HAVCR2: variants seen among roughly 807,000 people sequenced by gnomAD.
The protein encoded by HAVCR2 is hepatitis A virus cellular receptor 2.
HAVCR2 carries 13 observed loss-of-function variants against 24.7 expected under a neutral mutation model. The ratio of observed to expected loss-of-function variants is 0.53; its 90% CI spans 0.34 to 0.84. The LOEUF is 0.84. Ranked by LOEUF, HAVCR2 falls within the 40% of genes least tolerant of loss-of-function variation. The pLI, the probability that HAVCR2 is intolerant of heterozygous loss-of-function variation, is 0.01. For synonymous variants in HAVCR2, 154 were observed against 143.4 expected, an observed-to-expected ratio of 1.07 and a Z score of -0.53; for missense variants, 343 against 371.2, an observed-to-expected ratio of 0.92 and a Z score of 0.62.
chr5:157,098,911 G>A lies in HAVCR2; in HGVS notation c.479-10C>T, dbSNP rs200687159. 1.1e-5 allele frequency: 5 copies of A among 459,390 alleles called. No individual in the cohort carries two copies. The highest frequency in any genetic ancestry group is 5.2e-5 in the Admixed American group (1 of 19,344). 28.5% of individuals were successfully genotyped at this position (459,390 alleles called of 1,614,324 possible). ...AGTGTCTGTGTCTCTGCTATAAAAA[G>A]AGAGAGAGAGAGAGAGAGAGGAAAA... On this transcript the variant is annotated splice_polypyrimidine_tract_variant and intron_variant, in intron 3 of 6. Transcript: ENST00000307851.
intron 6 of HAVCR2, 91 bp downstream of exon 6, chr5:157,088,850 G>T: frequency 8.9e-7 from 1 of 1,123,880 alleles, no homozygotes; most frequent in Non-Finnish European, 1.3e-6. Flanking sequence ...CAAAGCCCCA[G>T]GACAGGATTT....
At position 157,096,276 on chromosome 5, in the gene HAVCR2, G is replaced by T. The variant is rs969859189; in HGVS notation, c.523-817C>A. ...ATTCCCAGCTCTGCCACTAAGGGCT[G>T]AGTAATCCTGTAGAGTTATCAGGAA... On this transcript the variant is annotated intron_variant, in intron 4 of 6. Transcript: ENST00000307851. 2.7e-5 allele frequency among the ~76,000 whole-genome samples: 4 copies of T among 150,010 alleles called. No individual in the cohort carries two copies. In the East Asian group the frequency reaches 7.8e-4, roughly 29 times the overall value.
intron 5 of HAVCR2, among the ~76,000 whole-genome samples, chr5:157,092,875 TACCAAAAAAA>T (rs1757025827): frequency 4.3e-5 from 2 of 46,738 alleles, no homozygotes; most frequent in Admixed American, 2.6e-4. Flanking sequence ...ACCCTGTCTC[TACCAAAAAAA>T]AAAAAAAAAA....
chr5:157,085,957 T>C lies in HAVCR2; in HGVS notation c.*1145A>G, dbSNP rs1389204358. Reference sequence around the variant, plus strand: ...TGAAATTTAAGTTTAGGGACCACTCTCTGTCAAAGGATCCAGCGCTGGTAA... The same window carrying C: ...TGAAATTTAAGTTTAGGGACCACTCCCTGTCAAAGGATCCAGCGCTGGTAA... On this transcript the variant is annotated 3_prime_UTR_variant, in exon 7 of 7. Transcript: ENST00000307851. 3 of 152,238 alleles carry C rather than the reference T, an allele frequency of 2.0e-5. No individual in the cohort carries two copies. The East Asian group carries it at 5.8e-4, about 29-fold the overall frequency. 9.4% of individuals were successfully genotyped at this position (152,238 alleles called of 1,614,324 possible).
At chr5:157,092,211 A>G (rs1310215672) in intron 5 of HAVCR2, among the ~76,000 whole-genome samples, 1 of 150,898 alleles carries the variant, frequency 6.6e-6, no homozygotes, top group Non-Finnish European at 1.5e-5. Context: ...ATATAATAGT[A>G]AAGCTCAAAG....
intron 2 of HAVCR2, 173 bp from the exon 3 acceptor site, chr5:157,104,922 A>G (rs1028944974): frequency 1.3e-5 from 6 of 454,514 alleles, no homozygotes; most frequent in South Asian, 6.6e-5. Context: ...CACACTTCAA[A>G]TGTTTGACAA....
intron 4 of HAVCR2, 76 bp from the exon 5 acceptor site, chr5:157,095,535 T>C: frequency 2.0e-6 from 3 of 1,518,950 alleles, no homozygotes; most frequent in Non-Finnish European, 1.8e-6. Context: ...GATTTGTGAA[T>C]TGGACCATCC....
At chr5:157,103,448 A>G (rs911338367) in intron 3 of HAVCR2, among the ~76,000 whole-genome samples, 9 of 152,044 alleles carry the variant, frequency 5.9e-5, no homozygotes, top group African/African-American at 2.2e-4. Context: ...CCCTTCTAGC[A>G]CTATGGTTGT....
At chr5:157,107,138 G>C (rs966080140) in intron 1 of HAVCR2, 176 bp from the exon 2 acceptor site, 2 of 584,860 alleles carry the variant, frequency 3.4e-6, no homozygotes, top group Non-Finnish European at 5.9e-6. Context: ...GAATCACTGG[G>C]AAGCCTTGCG....
chr5:157,101,996 C>T (rs1213304545), intron 3 of HAVCR2, among the ~76,000 whole-genome samples: 1 of 131,512 alleles, frequency 7.6e-6, no homozygotes, highest in African/African-American at 2.9e-5. Flanking sequence ...TTCCAGGCTT[C>T]AGGACAGTGG....
chr5:157,094,722 A>G (rs1295409896), intron 5 of HAVCR2, among the ~76,000 whole-genome samples: 1 of 152,048 alleles, frequency 6.6e-6, no homozygotes, highest in Non-Finnish European at 1.5e-5. Flanking sequence ...TTAAAAAAAA[A>G]AAAGGGATAA....
At chr5:157,095,285 G>A in intron 5 of HAVCR2, 21 bp downstream of exon 5, 1 of 1,611,768 alleles carries the variant, frequency 6.2e-7, no homozygotes, top group Non-Finnish European at 8.5e-7. Flanking sequence ...ATCAGAGGGA[G>A]AGAGAAACAA....
chr5:157,109,001 AG>A lies in HAVCR2; in HGVS notation c.-19del. The A allele has an allele frequency of 6.2e-7, 1 of 1,613,698 alleles. No homozygotes were observed. Among genetic ancestry groups the A allele is most frequent in the African/African-American group, 1.3e-5 (1 of 75,044 alleles). ...GAAAACATGGAGCTTGCAGAAGAAA[AG>A]TCAGAGGACACCTCTGTTAGGCACA... On this transcript the variant is annotated 5_prime_UTR_variant, in exon 1 of 7. Coordinates refer to ENST00000307851, the MANE Select transcript of HAVCR2 (RefSeq NM_032782.5).
In HAVCR2 at chr5:157,088,247, T is replaced by C. The variant is rs559899463; in HGVS notation, c.713+694A>G. Among the ~76,000 whole-genome samples, 9 of 152,360 alleles carry C rather than the reference T, an allele frequency of 5.9e-5. No individual in the cohort carries two copies. In the East Asian group the frequency reaches 1.7e-3, roughly 29 times the overall value. On this transcript the variant is annotated intron_variant, in intron 6 of 6. Transcript: ENST00000307851. ...TGTAATCCAAATATATTGTATTCCA[T>C]TCATGTGCCAAACATCACTAAAAGT...
intron 1 of HAVCR2, among the ~76,000 whole-genome samples, chr5:157,108,110 T>C (rs995520512): frequency 9.2e-5 from 14 of 152,054 alleles, no homozygotes; most frequent in African/African-American, 2.7e-4. Context: ...CATTATATAT[T>C]TTCTTTTGAT....
intron 6 of HAVCR2, among the ~76,000 whole-genome samples, chr5:157,087,645 C>G (rs867515111): frequency 9.2e-5 from 14 of 152,012 alleles, no homozygotes; most frequent in African/African-American, 2.9e-4. Context: ...GTGGCTCACG[C>G]CTGTAATCCC....
At chr5:157,103,516 T>A (rs1195573092) in intron 3 of HAVCR2, among the ~76,000 whole-genome samples, 3 of 152,202 alleles carry the variant, frequency 2.0e-5, no homozygotes, top group African/African-American at 7.2e-5. Context: ...ACTTTATTAT[T>A]TTCTGTCCCC....
rs1561619880 is a variant in HAVCR2, at chr5:157,092,913, A to AAAAAAAAAAAAAAAAAT, written c.676+2392_676+2393insATTTTTTTTTTTTTTTT. 2.2e-4 allele frequency among the ~76,000 whole-genome samples: 27 copies of AAAAAAAAAAAAAAAAAT among 123,024 alleles called. 1 individual carries two copies. Among genetic ancestry groups the AAAAAAAAAAAAAAAAAT allele is most frequent in the African/African-American group, 7.7e-4 (25 of 32,280 alleles). 80.7% of individuals were successfully genotyped at this position (123,024 alleles called of 152,430 possible). A position where few individuals can be genotyped will look rare whatever the true frequency, so the allele number is the denominator to read the frequency against. ...AAAAAAAAAAAAAAAAAAAAAAAAA[A>AAAAAAAAAAAAAAAAAT]AAAAACTAGCCAGGTGTGGTGGCAT... On this transcript the variant is annotated intron_variant, in intron 5 of 6. Transcript: ENST00000307851.
At chr5:157,106,549 G>T in intron 2 of HAVCR2, 78 bp downstream of exon 2, 1 of 1,261,118 alleles carries the variant, frequency 7.9e-7, no homozygotes, top group Non-Finnish European at 1.1e-6. Flanking sequence ...GGAAGTCAGA[G>T]ATGAGAACAA....
Sources: gnomAD v4.1 joint callset for allele counts (sites outside exome capture counted in the v4.1 genomes callset) on GRCh38, gnomAD v4.1.1 for gene constraint, MANE v1.5 for transcripts, NCBI Gene and HGNC (gene_info 2026-07-23, HGNC 2026-07-21) for gene names.